Variants in CRTAC1 observed in about 807,000 individuals in gnomAD.
The protein encoded by CRTAC1 is cartilage acidic protein 1, also known as acidic secreted protein in cartilage.
A neutral mutation model predicts 67.8 loss-of-function variants in CRTAC1; 37 were observed. That is an observed-to-expected ratio of 0.55 (90% confidence interval 0.42 to 0.72). The LOEUF (loss-of-function observed/expected upper bound fraction) is 0.72, where lower values mean the gene tolerates loss of function less well. CRTAC1 is among the 30% of genes least tolerant of loss of function. CRTAC1 has a pLI of 0.00. For missense variants in CRTAC1, 780 were observed against 931.6 expected (o/e 0.84, Z 2.12); for synonymous variants, 348 against 371.0 (o/e 0.94, Z 0.71).
chr10:98,005,100 A>ATATATATATTTTTTT, intron 2 of CRTAC1, among the ~76,000 whole-genome samples: 3 of 48,884 alleles, frequency 6.1e-5, no homozygotes, highest in African/African-American at 3.5e-4. Flanking sequence ...ATATATATAT[A>ATATATATATTTTTTT]TTTTTTTTTT....
intron 14 of CRTAC1, chr10:97,869,606 T>A (rs1324753333): frequency 6.6e-6 from 1 of 152,276 alleles, no homozygotes; most frequent in East Asian, 1.9e-4. Flanking sequence ...ACCACAGGGT[T>A]TACAGAAGCT....
intron 2 of CRTAC1, among the ~76,000 whole-genome samples, chr10:97,968,797 T>C (rs2051660068): frequency 6.6e-6 from 1 of 152,172 alleles, no homozygotes; most frequent in Non-Finnish European, 1.5e-5. Context: ...AATCACCTCT[T>C]GCGGAAGGAA....
At chr10:97,900,531 G>C in intron 8 of CRTAC1, among the ~76,000 whole-genome samples, 1 of 139,230 alleles carries the variant, frequency 7.2e-6, no homozygotes, top group Non-Finnish European at 1.6e-5. Flanking sequence ...TCCTGGTAGT[G>C]ATTGGACCCC....
chr10:97,921,254 T>C (rs1303247294), intron 4 of CRTAC1, among the ~76,000 whole-genome samples: 1 of 151,996 alleles, frequency 6.6e-6, no homozygotes, highest in Non-Finnish European at 1.5e-5. Context: ...ACTGACCAGG[T>C]AGCTAGATTA....
chr10:97,894,736 ATATATATATATATATATATAT>A (rs2136555777), intron 11 of CRTAC1, among the ~76,000 whole-genome samples: 1 of 36,296 alleles, frequency 2.8e-5, no homozygotes, highest in East Asian at 7.3e-4. Flanking sequence ...ATATATATAT[ATATATATATATATATATATAT>A]ATATATATGA....
intron 2 of CRTAC1, among the ~76,000 whole-genome samples, chr10:97,997,482 T>C (rs974692286): frequency 6.8e-6 from 1 of 148,130 alleles, no homozygotes; most frequent in Non-Finnish European, 1.5e-5. Flanking sequence ...AAAAGTGTTT[T>C]CAATTTAGGC....
At chr10:97,873,645 T>C (rs2136530647) in intron 14 of CRTAC1, among the ~76,000 whole-genome samples, 1 of 152,262 alleles carries the variant, frequency 6.6e-6, no homozygotes, top group East Asian at 1.9e-4. Flanking sequence ...GTGCATTAAA[T>C]GACTCTAGGG....
At chr10:97,875,182 C>A (rs935111034) in intron 14 of CRTAC1, among the ~76,000 whole-genome samples, 3 of 152,200 alleles carry the variant, frequency 2.0e-5, no homozygotes, top group African/African-American at 7.2e-5. Flanking sequence ...CAGCTCTTGC[C>A]ACTTTAGCTA....
intron 1 of CRTAC1, among the ~76,000 whole-genome samples, chr10:98,011,959 C>T (rs1048604309): frequency 6.6e-6 from 1 of 152,096 alleles, no homozygotes; most frequent in African/African-American, 2.4e-5. Flanking sequence ...CAATGAAAGA[C>T]TGTTCTCCTG....
chr10:98,003,585 T>A (rs1842732508), intron 2 of CRTAC1, among the ~76,000 whole-genome samples: 1 of 152,244 alleles, frequency 6.6e-6, no homozygotes, highest in Admixed American at 6.5e-5. Context: ...TTTTAAGACC[T>A]TTTGATTACA....
chr10:97,955,272 G>C (rs551289539), intron 2 of CRTAC1, among the ~76,000 whole-genome samples: 16 of 152,362 alleles, frequency 1.1e-4, no homozygotes, highest in African/African-American at 3.8e-4. Context: ...CTGAGTAGAA[G>C]AGGGGGAGAA....
chr10:97,876,204 C>T (rs2050145420), intron 14 of CRTAC1, among the ~76,000 whole-genome samples: 1 of 152,142 alleles, frequency 6.6e-6, no homozygotes, highest in African/African-American at 2.4e-5. Context: ...AGCTGACAGC[C>T]AGACTCCTGG....
At chr10:97,899,431 G>C (rs560120013) in intron 8 of CRTAC1, among the ~76,000 whole-genome samples, 1 of 152,290 alleles carries the variant, frequency 6.6e-6, no homozygotes, top group Admixed American at 6.5e-5. Context: ...AGGCTGGATG[G>C]GCAGGATGGG....
intron 2 of CRTAC1, among the ~76,000 whole-genome samples, chr10:97,950,238 CACACACACAGAGAGAGAGAG>C (rs2051329863): frequency 1.4e-5 from 1 of 69,746 alleles, no homozygotes; most frequent in Non-Finnish European, 3.1e-5. Flanking sequence ...TACGTGCACA[CACACACACAGAGAGAGAGAG>C]AGAGAGAGAG....
At chr10:97,882,593 A>G (rs759184214) in intron 13 of CRTAC1, among the ~76,000 whole-genome samples, 193 bp downstream of exon 13, 3 of 152,192 alleles carry the variant, frequency 2.0e-5, no homozygotes, top group Non-Finnish European at 4.4e-5. Flanking sequence ...CCTGTGGGTC[A>G]CTAATATCAC....
In CRTAC1 at chr10:98,029,784, G is replaced by A. The variant is rs767239316; in HGVS notation, c.24+665C>T. On this transcript the variant is annotated intron_variant, in intron 1 of 14. Coordinates refer to ENST00000370597, the MANE Select transcript of CRTAC1 (RefSeq NM_018058.7). This position sits in a 1 kb window ranked among gnomAD's most constrained non-coding sequence, Gnocchi z 4.7. ...AGCCTCCAAGTGCCCCCACGGGGTC[G>A]AGGAGGACTCAGGGTTCCCCTGGAA... is the stretch of plus-strand genomic sequence containing the variant. Among the ~76,000 whole-genome samples, 1 of 152,162 alleles carries A rather than the reference G, an allele frequency of 6.6e-6. No individual in the cohort carries two copies. The highest frequency in any genetic ancestry group is 1.5e-5 in the Non-Finnish European group (1 of 68,008).
In CRTAC1 at chr10:98,004,057, T is replaced by C. The variant is rs140939508; in HGVS notation, c.224+7081A>G. On this transcript the variant is annotated intron_variant, in intron 2 of 14. Transcript: ENST00000370597. Reference sequence around the variant, plus strand: ...CCTGGCCCCTGATCCAATTAATACGTATTAGCATTTAATTAGTATTTAATT... The same window carrying C: ...CCTGGCCCCTGATCCAATTAATACGCATTAGCATTTAATTAGTATTTAATT... Among the ~76,000 whole-genome samples, 86 of 152,354 alleles carry C rather than the reference T, an allele frequency of 5.6e-4. 1 individual carries two copies. The highest frequency in any genetic ancestry group is 2.0e-3 in the African/African-American group (84 of 41,576).
chr10:97,968,854 A>G (rs1458393041), intron 2 of CRTAC1, among the ~76,000 whole-genome samples: 2 of 152,236 alleles, frequency 1.3e-5, no homozygotes, highest in Non-Finnish European at 2.9e-5. Context: ...GCGGGTGCTC[A>G]CTAAAAATGC....
intron 11 of CRTAC1, among the ~76,000 whole-genome samples, chr10:97,886,875 C>A (rs1242198835): frequency 4.6e-5 from 7 of 151,930 alleles, no homozygotes; most frequent in Admixed American, 4.6e-4. Flanking sequence ...AAACTCCTGA[C>A]CTCAAGTGAT....
Sources: gnomAD v4.1 joint callset for allele counts (sites outside exome capture counted in the v4.1 genomes callset) on GRCh38, gnomAD v4.1.1 for gene constraint, Gnocchi (gnomAD v3.1) non-coding constraint, MANE v1.5 for transcripts, NCBI Gene and HGNC (gene_info 2026-07-23, HGNC 2026-07-21) for gene names.